The following PSD3 variants were observed in gnomAD, a reference collection of about 807,000 sequenced individuals.
PSD3 encodes PH and SEC7 domain-containing protein 3.
A neutral mutation model predicts 105.5 loss-of-function variants in PSD3; 49 were observed. That is an observed-to-expected ratio of 0.46 (90% confidence interval 0.37 to 0.59). The LOEUF is 0.59. Among genes scored for constraint, PSD3 ranks in the 20% least tolerant of loss-of-function variants. The probability of loss-of-function intolerance (pLI) is 0.00; values close to 1 mark genes in which losing one functional copy is unlikely to be tolerated. For missense variants in PSD3, 1,561 were observed against 1,263.8 expected, an observed-to-expected ratio of 1.24 and a Z score of -3.57; for synonymous variants, 557 against 457.8, an observed-to-expected ratio of 1.22 and a Z score of -2.77.
At chr8:18,656,382 G>T (rs890752010) in intron 9 of PSD3, among the ~76,000 whole-genome samples, 2 of 150,946 alleles carry the variant, frequency 1.3e-5, no homozygotes, top group African/African-American at 4.9e-5. Flanking sequence ...GTTAATGAAA[G>T]AAATAGAATT....
intron 1 of PSD3, among the ~76,000 whole-genome samples, chr8:19,075,479 T>C (rs937160812): frequency 6.6e-6 from 1 of 152,250 alleles, no homozygotes; most frequent in African/African-American, 2.4e-5. Flanking sequence ...TGCTATATTC[T>C]TTCCTAATGA....
intron 9 of PSD3, among the ~76,000 whole-genome samples, chr8:18,672,555 G>T (rs911659046): frequency 6.6e-6 from 1 of 152,194 alleles, no homozygotes; most frequent in African/African-American, 2.4e-5. Context: ...ATTTGCAAAA[G>T]AAATTTTAGG....
intron 14 of PSD3, among the ~76,000 whole-genome samples, chr8:18,572,275 A>C (rs1247363272): frequency 6.6e-6 from 1 of 152,238 alleles, no homozygotes; most frequent in African/African-American, 2.4e-5. Context: ...TATTGCTCAT[A>C]ATGAACTAAT....
chr8:18,872,723 T>G lies in PSD3; in HGVS notation c.141A>C (p.Gly47=), dbSNP rs1817475363. ...CATTTGGTGGGAGTAAAGTGCTTCC[T>G]CCATGATCACCTGTGAAGAGAACAC... ...EGKAPDTSDH[G]GSTLLPPNVT... The change falls in exon 3 of 16, where the codon GGA becomes GGC. Residue 47 remains glycine (G), a synonymous_variant. Coordinates refer to ENST00000327040, the MANE Select transcript of PSD3 (RefSeq NM_015310.4). 6.4e-7 allele frequency: 1 copy of G among 1,558,138 alleles called. No homozygotes were observed. Among genetic ancestry groups the G allele is most frequent in the African/African-American group, 1.4e-5 (1 of 72,950 alleles).
At chr8:18,551,726 G>A (rs1210156265) in intron 15 of PSD3, among the ~76,000 whole-genome samples, 3 of 152,146 alleles carry the variant, frequency 2.0e-5, no homozygotes, top group Non-Finnish European at 4.4e-5. Flanking sequence ...TTTATTCTAA[G>A]TCTTTGGTTT....
chr8:18,610,979 A>C (rs1179792482), intron 11 of PSD3, among the ~76,000 whole-genome samples: 1 of 152,212 alleles, frequency 6.6e-6, no homozygotes, highest in East Asian at 1.9e-4. Flanking sequence ...ATTACTTTAT[A>C]ATGTTGTTGA....
At chr8:18,919,646 C>T (rs1275339802) in intron 2 of PSD3, among the ~76,000 whole-genome samples, 1 of 152,076 alleles carries the variant, frequency 6.6e-6, no homozygotes, top group Non-Finnish European at 1.5e-5. Flanking sequence ...CACTGCTTTC[C>T]TTCACTTCCC....
chr8:19,067,508 C>G (rs1829116105), intron 1 of PSD3, among the ~76,000 whole-genome samples: 1 of 152,198 alleles, frequency 6.6e-6, no homozygotes, highest in Non-Finnish European at 1.5e-5. Flanking sequence ...GGGATCATAA[C>G]TCTCTGAGTA....
At chr8:18,778,685 T>C (rs920861286) in intron 8 of PSD3, among the ~76,000 whole-genome samples, 6 of 151,918 alleles carry the variant, frequency 3.9e-5, no homozygotes, top group Non-Finnish European at 8.8e-5. Flanking sequence ...AAACCCTTTT[T>C]TTGCATTTGA....
chr8:18,682,937 T>C (rs1003910986), intron 9 of PSD3, among the ~76,000 whole-genome samples: 1 of 152,040 alleles, frequency 6.6e-6, no homozygotes, highest in Non-Finnish European at 1.5e-5. Flanking sequence ...CCCATGAATC[T>C]CCGTTATAAT....
chr8:18,592,280 G>C (rs1030746475), intron 12 of PSD3, among the ~76,000 whole-genome samples: 2 of 152,032 alleles, frequency 1.3e-5, no homozygotes, highest in Non-Finnish European at 2.9e-5. Context: ...AGAAAACAAA[G>C]AAGAAAGAAT....
intron 1 of PSD3, among the ~76,000 whole-genome samples, chr8:19,034,041 G>GA (rs1369956393): frequency 6.6e-6 from 1 of 152,122 alleles, no homozygotes; most frequent in Non-Finnish European, 1.5e-5. Context: ...TTTGTAATGT[G>GA]AAAACACAAT....
intron 10 of PSD3, among the ~76,000 whole-genome samples, chr8:18,638,347 G>A (rs554381984): frequency 6.6e-6 from 1 of 151,278 alleles, no homozygotes; most frequent in African/African-American, 2.4e-5. Flanking sequence ...AAAAGGAAGT[G>A]ACTGTCTCTG....
At position 18,872,001 on chromosome 8, in the gene PSD3, C is replaced by T; in HGVS notation, c.863G>A (p.Ser288Asn). 2 of 1,614,162 alleles carry T rather than the reference C, an allele frequency of 1.2e-6. No homozygotes were observed. Among genetic ancestry groups the T allele is most frequent in the Non-Finnish European group, 1.7e-6 (2 of 1,180,024 alleles). The change falls in exon 3 of 16, where the codon AGC becomes AAC. Residue 288 changes from serine (S) to asparagine (N), a missense_variant. By Grantham distance (46) the Ser-to-Asn change is conservative (BLOSUM62 1). Transcript: ENST00000327040. Reference sequence around the variant, plus strand: ...GACCCGGCCTGGGCGTCCCATGGAGCTGCTTCGATCACATCCCCCTGGGTG... The same window carrying T: ...GACCCGGCCTGGGCGTCCCATGGAGTTGCTTCGATCACATCCCCCTGGGTG... ...REHPGGCDRSSSMGRPGRVKH... is the reference protein window; with the variant it reads ...REHPGGCDRSNSMGRPGRVKH...
At chr8:18,946,168 A>G (rs1021346469) in intron 1 of PSD3, among the ~76,000 whole-genome samples, 6 of 152,192 alleles carry the variant, frequency 3.9e-5, no homozygotes, top group Non-Finnish European at 7.4e-5. Context: ...ACTTTCCACT[A>G]TAATTAAAAA....
At chr8:19,066,006 G>A (rs2129477746) in intron 1 of PSD3, among the ~76,000 whole-genome samples, 1 of 152,318 alleles carries the variant, frequency 6.6e-6, no homozygotes, top group East Asian at 1.9e-4. Flanking sequence ...TCTATGCTGG[G>A]AAATGGGTTT....
In PSD3 at chr8:18,955,039, G is replaced by T. The variant is rs370652281; in HGVS notation, c.22-18897C>A. Among the ~76,000 whole-genome samples, 6 of 152,316 alleles carry T rather than the reference G, an allele frequency of 3.9e-5. No homozygotes were observed. The East Asian group carries it at 1.2e-3, about 29-fold the overall frequency. Reference sequence around the variant, plus strand: ...GTGCTAGTCAGCTTTCACTAGATTAGTTGTGGCAGTAGCAAATCACCTTCA... The same window carrying T: ...GTGCTAGTCAGCTTTCACTAGATTATTTGTGGCAGTAGCAAATCACCTTCA... On this transcript the variant is annotated intron_variant, in intron 1 of 15. Coordinates refer to ENST00000327040, the MANE Select transcript of PSD3 (RefSeq NM_015310.4).
chr8:18,717,925 C>G (rs1802704365), intron 9 of PSD3, among the ~76,000 whole-genome samples: 1 of 152,200 alleles, frequency 6.6e-6, no homozygotes, highest in African/African-American at 2.4e-5. Context: ...TAGGATTAGA[C>G]TAAATGCTGA....
intron 4 of PSD3, among the ~76,000 whole-genome samples, chr8:18,817,368 T>C (rs1812301651): frequency 6.6e-6 from 1 of 152,196 alleles, no homozygotes; most frequent in Non-Finnish European, 1.5e-5. Flanking sequence ...TCCAGACTCT[T>C]ATCAATCACC....
Sources: gnomAD v4.1 joint callset for allele counts (sites outside exome capture counted in the v4.1 genomes callset) on GRCh38, gnomAD v4.1.1 for gene constraint, MANE v1.5 for transcripts, NCBI Gene and HGNC (gene_info 2026-07-23, HGNC 2026-07-21) for gene names.